SVIL: variants seen among roughly 807,000 people sequenced by gnomAD.
The protein encoded by SVIL is archvillin.
A neutral mutation model predicts 240.4 loss-of-function variants in SVIL; 101 were observed. The observed-to-expected ratio is 0.42, with a 90% CI of 0.36 to 0.50. The LOEUF is 0.50. Among genes scored for constraint, SVIL ranks in the 20% least tolerant of loss-of-function variants. The probability of loss-of-function intolerance (pLI) is 0.01; values close to 1 mark genes in which losing one functional copy is unlikely to be tolerated. For missense variants in SVIL, 2,512 were observed against 2,818.7 expected, an observed-to-expected ratio of 0.89 and a Z score of 2.46; for synonymous variants, 999 against 1,100.0, an observed-to-expected ratio of 0.91 and a Z score of 1.82.
At chr10:29,724,721 G>C (rs760222956) in intron 1 of SVIL, among the ~76,000 whole-genome samples, 2 of 151,946 alleles carry the variant, frequency 1.3e-5, no homozygotes, top group African/African-American at 4.8e-5. Context: ...CTTATTTTTG[G>C]ACTTAAAAAC....
intron 2 of SVIL, among the ~76,000 whole-genome samples, chr10:29,677,194 A>G (rs908268794): frequency 2.4e-4 from 37 of 152,150 alleles, no homozygotes; most frequent in African/African-American, 8.4e-4. Context: ...TCAGCTCAGC[A>G]GACACCCTTT....
At chr10:29,544,898 G>C (rs1051609028) in intron 6 of SVIL, 16 of 460,274 alleles carry the variant, frequency 3.5e-5, no homozygotes, top group South Asian at 2.5e-4. Flanking sequence ...CAGGTGTTTG[G>C]GGGTACAGGG....
In SVIL at chr10:29,696,643, G is replaced by A. The variant is rs1002707878; in HGVS notation, c.-399-9992C>T. Among the ~76,000 whole-genome samples the A allele has an allele frequency of 3.7e-4, 54 of 146,272 alleles. 1 individual carries two copies. Among genetic ancestry groups the A allele is most frequent in the Non-Finnish European group, 6.2e-4 (41 of 66,438 alleles). ...GTGAGGAGCGCCTCGGCCCGGCCGC[G>A]ACCCCGTTTGGGAGGTGAGGAGTGT... On this transcript the variant is annotated intron_variant, in intron 1 of 35. Transcript: ENST00000375400.
At chr10:29,580,175 A>T (rs1011232894) in intron 1 of SVIL, among the ~76,000 whole-genome samples, 26 of 145,822 alleles carry the variant, frequency 1.8e-4, no homozygotes, top group South Asian at 2.1e-4. Flanking sequence ...CAAAAAATTT[A>T]AAAAAAAAAA....
At chr10:29,712,637 A>C (rs1963369155) in intron 1 of SVIL, among the ~76,000 whole-genome samples, 1 of 152,228 alleles carries the variant, frequency 6.6e-6, no homozygotes, top group Non-Finnish European at 1.5e-5. Flanking sequence ...GGACTAAGAC[A>C]GCTTGCAACC....
chr10:29,530,222 G>T (rs1212713688), intron 11 of SVIL, among the ~76,000 whole-genome samples: 2 of 152,046 alleles, frequency 1.3e-5, no homozygotes, highest in Non-Finnish European at 2.9e-5. Flanking sequence ...GGAAATGGGG[G>T]TAGTAAAAAT....
intron 3 of SVIL, among the ~76,000 whole-genome samples, chr10:29,559,556 A>G (rs945046830): frequency 6.6e-6 from 1 of 152,248 alleles, no homozygotes; most frequent in Non-Finnish European, 1.5e-5. Flanking sequence ...GTTTAGTAAT[A>G]GTAGTTATTA....
chr10:29,500,014 C>T (rs1948750346), intron 17 of SVIL, among the ~76,000 whole-genome samples: 2 of 152,074 alleles, frequency 1.3e-5, no homozygotes, highest in African/African-American at 4.8e-5. Context: ...GCTCATTAGG[C>T]TTGCGGTTGG....
chr10:29,620,721 T>C (rs992262207), intron 1 of SVIL, among the ~76,000 whole-genome samples: 13 of 152,126 alleles, frequency 8.5e-5, no homozygotes, highest in Non-Finnish European at 1.8e-4. Context: ...CGGGTTCAAA[T>C]GATTCTCCTG....
intron 36 of SVIL, among the ~76,000 whole-genome samples, chr10:29,460,272 T>C (rs1257441266): frequency 1.3e-5 from 2 of 152,084 alleles, no homozygotes; most frequent in Admixed American, 6.5e-5. Flanking sequence ...AGAAAATCAG[T>C]GTAAAGTGCT....
intron 18 of SVIL, among the ~76,000 whole-genome samples, chr10:29,496,654 T>C (rs1948470277): frequency 6.6e-6 from 1 of 152,206 alleles, no homozygotes; most frequent in Non-Finnish European, 1.5e-5. Context: ...GGCAGGGAGA[T>C]GCAAATTACA....
At chr10:29,619,633 A>ACC (rs1431247447) in intron 1 of SVIL, among the ~76,000 whole-genome samples, 7 of 75,492 alleles carry the variant, frequency 9.3e-5, no homozygotes, top group Non-Finnish European at 1.4e-4. Flanking sequence ...TTTAAAGGCC[A>ACC]GCACACACAT....
intron 17 of SVIL, among the ~76,000 whole-genome samples, chr10:29,511,633 T>G (rs1028716377): frequency 6.6e-6 from 1 of 152,250 alleles, no homozygotes; most frequent in African/African-American, 2.4e-5. Context: ...AATATGCACA[T>G]GCATATACTT....
upstream of SVIL, among the ~76,000 whole-genome samples, chr10:29,636,390 TACC>T: frequency 6.6e-6 from 1 of 152,310 alleles, no homozygotes; most frequent in African/African-American, 2.4e-5. Context: ...GAATCACTGT[TACC>T]ACAATAGTGC....
intron 1 of SVIL, among the ~76,000 whole-genome samples, chr10:29,571,388 G>T (rs1955410308): frequency 6.6e-6 from 1 of 152,190 alleles, no homozygotes; most frequent in African/African-American, 2.4e-5. Context: ...GGAGGAGTCA[G>T]ATACAACTTC....
At chr10:29,612,275 A>G (rs2132877473) in intron 1 of SVIL, among the ~76,000 whole-genome samples, 1 of 152,082 alleles carries the variant, frequency 6.6e-6, no homozygotes, top group East Asian at 1.9e-4. Flanking sequence ...AAGTAATCAG[A>G]CCCCTTGTTC....
chr10:29,515,093 G>GT (rs1950122222), intron 16 of SVIL, among the ~76,000 whole-genome samples: 1 of 152,108 alleles, frequency 6.6e-6, no homozygotes, highest in Non-Finnish European at 1.5e-5. Context: ...CTTCATTTCT[G>GT]TTTTCCTCTT....
chr10:29,707,423 T>A (rs1253077338), intron 1 of SVIL, among the ~76,000 whole-genome samples: 1 of 152,232 alleles, frequency 6.6e-6, no homozygotes, highest in Non-Finnish European at 1.5e-5. Context: ...AGTTCATTCA[T>A]GATTTGGCTC....
At position 29,530,643 on chromosome 10, in the gene SVIL, G is replaced by A. The variant is rs141266132; in HGVS notation, c.2070C>T (p.Ala690=). 2 of 1,614,106 alleles carry A rather than the reference G, an allele frequency of 1.2e-6. 1 individual carries two copies. The highest frequency in any genetic ancestry group is 1.7e-6 in the Non-Finnish European group (2 of 1,180,012). The change falls in exon 11 of 38, where the codon GCC becomes GCT. Residue 690 remains alanine (A), a synonymous_variant. Transcript: ENST00000355867. ...ACCTCTTGGCGGCGACGCTCAGCTT[G>A]GCTCGTTCATCCACCTTTTCTTCAT... ...VDDEEKVDER[A]KLSVAAKRLL...
Sources: gnomAD v4.1 joint callset for allele counts (sites outside exome capture counted in the v4.1 genomes callset) on GRCh38, gnomAD v4.1.1 for gene constraint, MANE v1.5 for transcripts, NCBI Gene and HGNC (gene_info 2026-07-23, HGNC 2026-07-21) for gene names.